Variants in HECTD4 observed in about 807,000 individuals in gnomAD.
The protein encoded by HECTD4 is HECT domain E3 ubiquitin protein ligase 4.
A neutral mutation model predicts 471.5 loss-of-function variants in HECTD4; 114 were observed. The observed-to-expected ratio is 0.24, with a 90% CI of 0.21 to 0.28. HECTD4 has a LOEUF of 0.28. HECTD4 is among the 10% of genes least tolerant of loss of function. The pLI is 1.00. For synonymous variants in HECTD4, 2,012 were observed against 2,256.0 expected (o/e 0.89, Z 3.07); for missense variants, 3,866 against 5,651.5 (o/e 0.68, Z 10.13).
chr12:112,192,961 A>T, intron 58 of HECTD4, 100 bp downstream of exon 58: 1 of 1,436,002 alleles, frequency 7.0e-7, no homozygotes, highest in Non-Finnish European at 9.6e-7. Flanking sequence ...CATTTGCATT[A>T]AAGAATCAGT....
intron 1 of HECTD4, among the ~76,000 whole-genome samples, chr12:112,374,628 C>T (rs758619368): frequency 2.6e-5 from 4 of 152,156 alleles, no homozygotes; most frequent in African/African-American, 4.8e-5. Context: ...GTAGTTTATT[C>T]GCTTATTCAT....
intron 34 of HECTD4, among the ~76,000 whole-genome samples, chr12:112,237,737 G>A (rs1013439036): frequency 6.6e-6 from 1 of 151,750 alleles, no homozygotes; most frequent in African/African-American, 2.4e-5. Context: ...TTTGCTTATT[G>A]GTCTATTTCC....
At chr12:112,164,070 G>T in intron 73 of HECTD4, 39 bp downstream of exon 73, 4 of 1,391,506 alleles carry the variant, frequency 2.9e-6, no homozygotes, top group Non-Finnish European at 3.8e-6. Flanking sequence ...GGCTGGCCGG[G>T]CCAGCCCCTG....
At chr12:112,174,030 T>G (rs1016616964) in intron 66 of HECTD4, among the ~76,000 whole-genome samples, 15 of 151,200 alleles carry the variant, frequency 9.9e-5, no homozygotes, top group Middle Eastern at 3.4e-3. Context: ...CAGGCTAGAG[T>G]GCAATGGCGC....
chr12:112,309,090 T>C (rs1594032182), intron 5 of HECTD4, among the ~76,000 whole-genome samples, 199 bp from the exon 6 acceptor site: 2 of 152,270 alleles, frequency 1.3e-5, no homozygotes, highest in East Asian at 1.9e-4. Context: ...CACAATAACT[T>C]AGAGGGGAGA....
rs533845385 is a variant in HECTD4 at position 112,243,220 on chromosome 12, A to G, written c.4958+133T>C. On this transcript the variant is annotated intron_variant, in intron 32 of 75. Transcript: ENST00000682272. This position sits in a 1 kb window ranked among gnomAD's most constrained non-coding sequence, Gnocchi z 6.6. ...TGTTGAGTTTTTTGCAAGATCATGT[A>G]CCACTTTTATATAAATATTTTAGAG... 4 of 816,648 alleles carry G rather than the reference A, an allele frequency of 4.9e-6. No individual in the cohort carries two copies. Among genetic ancestry groups the G allele is most frequent in the Non-Finnish European group, 7.6e-6 (4 of 527,816 alleles). 50.6% of individuals were successfully genotyped at this position (816,648 alleles called of 1,614,324 possible). A position where few individuals can be genotyped will look rare whatever the true frequency, so the allele number is the denominator to read the frequency against.
chr12:112,276,433 C>A (rs1594000915), intron 9 of HECTD4, among the ~76,000 whole-genome samples: 1 of 152,008 alleles, frequency 6.6e-6, no homozygotes, highest in East Asian at 1.9e-4. Flanking sequence ...AACATAAAAA[C>A]CCAATTTTTA....
At chr12:112,178,656 C>A (rs572540857) in intron 64 of HECTD4, among the ~76,000 whole-genome samples, 1 of 152,270 alleles carries the variant, frequency 6.6e-6, no homozygotes, top group South Asian at 2.1e-4. Flanking sequence ...ATGGTGAAAC[C>A]CCATCTCTAC....
intron 51 of HECTD4, 57 bp from the exon 52 acceptor site, chr12:112,208,057 G>C (rs2032647244): frequency 6.4e-7 from 1 of 1,574,676 alleles, no homozygotes; most frequent in South Asian, 1.2e-5. Flanking sequence ...AGGCATCACT[G>C]TTTCCCTAAC....
chr12:112,318,004 A>C (rs557900140), intron 2 of HECTD4, among the ~76,000 whole-genome samples: 2 of 149,448 alleles, frequency 1.3e-5, no homozygotes, highest in African/African-American at 4.9e-5. Flanking sequence ...GGCCAGGCAC[A>C]GTGGCTCATG....
intron 53 of HECTD4, 75 bp downstream of exon 53, chr12:112,204,410 CT>C: frequency 7.3e-7 from 1 of 1,372,510 alleles, no homozygotes; most frequent in East Asian, 2.3e-5. Context: ...CCACCAGCTG[CT>C]TGTGCACATT....
At chr12:112,182,455 G>C (rs908142562) in intron 62 of HECTD4, among the ~76,000 whole-genome samples, 1 of 151,892 alleles carries the variant, frequency 6.6e-6, no homozygotes, top group Non-Finnish European at 1.5e-5. Flanking sequence ...ATGGCAAAAG[G>C]GCTGGAAAAT....
chr12:112,267,596 T>C (rs2034307951), intron 13 of HECTD4, among the ~76,000 whole-genome samples: 1 of 152,124 alleles, frequency 6.6e-6, no homozygotes, highest in African/African-American at 2.4e-5. Flanking sequence ...AAATGATAAG[T>C]ACTTGGGGCT....
chr12:112,228,667 G>A lies in HECTD4; in HGVS notation c.6664C>T (p.Leu2222Phe), dbSNP rs781581810. Residue 2222 changes from leucine to phenylalanine, a missense_variant, in exon 42 of 76, where the codon CTT (leucine) becomes TTT (phenylalanine). Around this residue, in one of 16 missense-constraint regions of HECTD4, gnomAD observed 617 missense variants for 915.1 expected, o/e 0.67. Coordinates refer to ENST00000682272, the MANE Select transcript of HECTD4 (RefSeq NM_001388303.1). This position sits in a 1 kb window ranked among gnomAD's most constrained non-coding sequence, Gnocchi z 4.9. ...SDTLTIPLSR[L>F]CVPRSEALPL... is the part of the protein sequence containing the mutation. ...CTTACCTCTGATCTTGGAACACAAA[G>A]TCTAGACAATGGAATAGTCAATGTG... 1 of 1,606,658 alleles carries A rather than the reference G, an allele frequency of 6.2e-7. No individual in the cohort carries two copies. Among genetic ancestry groups the A allele is most frequent in the African/African-American group, 1.3e-5 (1 of 74,450 alleles).
At chr12:112,329,370 GTTT>G (rs72342162) in intron 1 of HECTD4, among the ~76,000 whole-genome samples, 3 of 131,070 alleles carry the variant, frequency 2.3e-5, no homozygotes, top group Non-Finnish European at 3.3e-5. Context: ...TGGGTTTTTT[GTTT>G]TTTTTTTTTT....
intron 1 of HECTD4, among the ~76,000 whole-genome samples, chr12:112,321,046 A>G (rs1489278247): frequency 1.3e-5 from 2 of 152,052 alleles, no homozygotes; most frequent in Admixed American, 6.6e-5. Context: ...GTTTCGCCAC[A>G]TTGGCCAGGC....
chr12:112,250,270 G>A lies in HECTD4; in HGVS notation c.3824C>T (p.Ser1275Phe). ...TCCAACAGGAGGCACGAGGACATCAGAGGGGTAGGTGAATTCTCTGTCTTC... is the reference window on the plus strand; with the variant it reads ...TCCAACAGGAGGCACGAGGACATCAAAGGGGTAGGTGAATTCTCTGTCTTC... ...IEEDREFTYP[S>F]DVLVPPVGNY... The change falls in exon 25 of 76, where the codon TCT becomes TTT. Residue 1275 changes from serine to phenylalanine, a missense_variant. This residue lies in a region of HECTD4 where 281 missense variants were observed against 499.9 expected (regional missense o/e 0.56). Coordinates refer to ENST00000682272, the MANE Select transcript of HECTD4 (RefSeq NM_001388303.1). The A allele has an allele frequency of 6.2e-7, 1 of 1,614,010 alleles. No homozygotes were observed. Among genetic ancestry groups the A allele is most frequent in the Non-Finnish European group, 8.5e-7 (1 of 1,179,874 alleles).
intron 7 of HECTD4, among the ~76,000 whole-genome samples, chr12:112,288,143 A>G (rs2034796081): frequency 6.6e-6 from 1 of 150,526 alleles, no homozygotes; most frequent in South Asian, 2.1e-4. Flanking sequence ...AGCCTGGCCA[A>G]CGTGGTTAAA....
chr12:112,311,257 T>C (rs11066254), intron 4 of HECTD4, among the ~76,000 whole-genome samples: 36,521 of 149,858 alleles, frequency 0.24, 7,414 homozygotes, highest in East Asian at 0.85. Context: ...AGCGAAGCTC[T>C]GTCTCAAAAA....
Sources: gnomAD v4.1 joint callset for allele counts (sites outside exome capture counted in the v4.1 genomes callset) on GRCh38, gnomAD v4.1.1 for gene constraint, gnomAD v4.1.1 regional missense constraint, Gnocchi (gnomAD v3.1) non-coding constraint, MANE v1.5 for transcripts, NCBI Gene and HGNC (gene_info 2026-07-23, HGNC 2026-07-21) for gene names.